The following CTDP1 variants were observed in gnomAD, a reference collection of about 807,000 sequenced individuals.
CTDP1 encodes the protein CTD phosphatase 1.
Under a neutral mutation model 91.8 loss-of-function variants are expected in CTDP1, and 47 were observed. That is an observed-to-expected ratio of 0.51 (90% confidence interval 0.41 to 0.65). The LOEUF (loss-of-function observed/expected upper bound fraction) is 0.65, where lower values mean the gene tolerates loss of function less well. Ranked by LOEUF, CTDP1 falls within the 30% of genes least tolerant of loss-of-function variation. CTDP1 has a pLI of 0.00. For missense variants in CTDP1, 1,272 were observed against 1,373.7 expected, an observed-to-expected ratio of 0.93 and a Z score of 1.17; for synonymous variants, 656 against 598.5, an observed-to-expected ratio of 1.10 and a Z score of -1.40.
intron 11 of CTDP1, among the ~76,000 whole-genome samples, chr18:79,731,661 G>C (rs780021691): frequency 2.6e-5 from 4 of 152,234 alleles, no homozygotes; most frequent in East Asian, 1.9e-4. Flanking sequence ...GCAGAGCGAG[G>C]CATGGCGTCA....
At position 79,714,884 on chromosome 18, in the gene CTDP1, A is replaced by G. The variant is rs780184211; in HGVS notation, c.1424A>G (p.Asp475Gly). 15 of 1,578,472 alleles carry G rather than the reference A, an allele frequency of 9.5e-6. No homozygotes were observed. The Admixed American group carries it at 2.8e-4, about 30-fold the overall frequency. The part of the protein sequence containing the change: ...EGTKSSSSAS[D>G]GESEGKRGRQ... ...ACGAAGTCCTCCTCCTCCGCCTCTG[A>G]TGGCGAAAGCGAGGGGAAAAGAGGC... The change falls in exon 8 of 13, where the codon GAT becomes GGT. Residue 475 changes from aspartate (D) to glycine (G), a missense_variant. Transcript: ENST00000613122.
chr18:79,718,333 C>T (rs7233151), intron 10 of CTDP1, among the ~76,000 whole-genome samples: 109 of 152,344 alleles, frequency 7.2e-4, no homozygotes, highest in African/African-American at 2.5e-3. Context: ...CAGCAGAGAA[C>T]GAGCAGAGCC....
chr18:79,723,980 G>C (rs938339891), intron 10 of CTDP1, among the ~76,000 whole-genome samples: 2 of 152,218 alleles, frequency 1.3e-5, no homozygotes, highest in African/African-American at 4.8e-5. Context: ...AGCCAACTGT[G>C]GTTTCACCGT....
At chr18:79,746,713 C>T (rs1051300917) in intron 12 of CTDP1, among the ~76,000 whole-genome samples, 34 of 152,306 alleles carry the variant, frequency 2.2e-4, no homozygotes, top group African/African-American at 6.7e-4. Flanking sequence ...AACTCCTGGG[C>T]TCAAGGGATC....
At chr18:79,701,520 AT>A (rs1396225009) in intron 4 of CTDP1, among the ~76,000 whole-genome samples, 15 of 116,064 alleles carry the variant, frequency 1.3e-4, no homozygotes, top group Non-Finnish European at 2.4e-4. Context: ...AAAAAAAATA[AT>A]AAATAAATTA....
At chr18:79,697,736 C>A in intron 3 of CTDP1, 124 bp from the exon 4 acceptor site, 2 of 1,434,452 alleles carry the variant, frequency 1.4e-6, no homozygotes, top group Non-Finnish European at 9.7e-7. Flanking sequence ...ACGGCGCAGT[C>A]CATGGAGCGT....
chr18:79,694,591 G>T (rs1358698437), intron 1 of CTDP1, among the ~76,000 whole-genome samples: 3 of 142,478 alleles, frequency 2.1e-5, no homozygotes, highest in African/African-American at 5.4e-5. Context: ...TCTCATGTTC[G>T]CAGGGTGGGG....
intron 11 of CTDP1, 138 bp from the exon 12 acceptor site, chr18:79,736,217 G>A: frequency 8.9e-7 from 1 of 1,121,884 alleles, no homozygotes; most frequent in Non-Finnish European, 1.3e-6. Flanking sequence ...AAGCCCCAGG[G>A]CTCAGGTAGA....
At chr18:79,747,725 C>T (rs1033727134) in intron 12 of CTDP1, among the ~76,000 whole-genome samples, 8 of 152,216 alleles carry the variant, frequency 5.3e-5, no homozygotes, top group African/African-American at 1.9e-4. Context: ...GACCTGGCCA[C>T]GCCGGCACGG....
chr18:79,694,456 C>A (rs1334804422), intron 1 of CTDP1, among the ~76,000 whole-genome samples: 5 of 130,020 alleles, frequency 3.8e-5, no homozygotes, highest in African/African-American at 1.4e-4. Context: ...GCTACAGGCA[C>A]CTAGGGGTGG....
chr18:79,704,093 G>A (rs916698427), intron 4 of CTDP1, among the ~76,000 whole-genome samples: 1 of 152,156 alleles, frequency 6.6e-6, no homozygotes, highest in African/African-American at 2.4e-5. Flanking sequence ...TAGTTACCAC[G>A]GGCAGTCAGT....
At chr18:79,680,374 G>A (rs926217901) in intron 1 of CTDP1, 113 bp downstream of exon 1, 3 of 855,714 alleles carry the variant, frequency 3.5e-6, no homozygotes, top group South Asian at 5.4e-5. Flanking sequence ...GTGAGGGAGC[G>A]ATAAAGCGGG....
At chr18:79,697,714 C>A in intron 3 of CTDP1, 146 bp from the exon 4 acceptor site, 1 of 1,227,416 alleles carries the variant, frequency 8.1e-7, no homozygotes, top group Non-Finnish European at 1.2e-6. Context: ...CCAGCCCTGC[C>A]TCTCGGCCTG....
intron 11 of CTDP1, 39 bp from the exon 12 acceptor site, chr18:79,736,316 G>A (rs760255113): frequency 1.7e-5 from 26 of 1,548,452 alleles, no homozygotes; most frequent in East Asian, 7.3e-5. Flanking sequence ...AACGGGGCCC[G>A]GGAAGGAGGT....
chr18:79,710,686 A>AT (rs11306504), intron 6 of CTDP1, among the ~76,000 whole-genome samples: 1,016 of 88,098 alleles, frequency 0.012, 11 homozygotes, highest in Middle Eastern at 0.033. Flanking sequence ...TCGCCCGGCA[A>AT]TTTTTTTTTT....
intron 1 of CTDP1, among the ~76,000 whole-genome samples, chr18:79,692,160 G>A (rs2085638617): frequency 6.6e-6 from 1 of 151,446 alleles, no homozygotes. Context: ...GGAGTGGACG[G>A]CTCCCAGGGT....
At chr18:79,735,193 G>A (rs62097755) in intron 11 of CTDP1, among the ~76,000 whole-genome samples, 55,091 of 151,968 alleles carry the variant, frequency 0.36, 11,195 homozygotes, top group South Asian at 0.56. Flanking sequence ...GTTGTGCTCC[G>A]TCCTCTGTGG....
chr18:79,693,196 G>T (rs1449667001), intron 1 of CTDP1, among the ~76,000 whole-genome samples: 1 of 152,186 alleles, frequency 6.6e-6, no homozygotes, highest in African/African-American at 2.4e-5. Flanking sequence ...GTGTCTTTGA[G>T]CAGGTGTGGT....
chr18:79,687,597 G>A (rs897605367), intron 1 of CTDP1, among the ~76,000 whole-genome samples: 22 of 150,282 alleles, frequency 1.5e-4, no homozygotes, highest in Non-Finnish European at 2.1e-4. Context: ...GGCCTGCACC[G>A]CAGCAGTTGG....
Sources: gnomAD v4.1 joint callset for allele counts (sites outside exome capture counted in the v4.1 genomes callset) on GRCh38, gnomAD v4.1.1 for gene constraint, MANE v1.5 for transcripts, NCBI Gene and HGNC (gene_info 2026-07-23, HGNC 2026-07-21) for gene names.